Variants in MSRB3 observed in about 807,000 individuals in gnomAD.
MSRB3 encodes methionine sulfoxide reductase B3.
Under a neutral mutation model 21.0 loss-of-function variants are expected in MSRB3, and 13 were observed. The observed-to-expected ratio is 0.62, with a 90% CI of 0.40 to 0.98. The LOEUF is 0.98. Among genes scored for constraint, MSRB3 ranks in the 50% least tolerant of loss-of-function variants. The probability of loss-of-function intolerance (pLI) is 0.00; values close to 1 mark genes in which losing one functional copy is unlikely to be tolerated. For synonymous variants in MSRB3, 87 were observed against 88.6 expected, an observed-to-expected ratio of 0.98 and a Z score of 0.10; for missense variants, 199 against 230.3, an observed-to-expected ratio of 0.86 and a Z score of 0.88.
intron 1 of MSRB3, among the ~76,000 whole-genome samples, chr12:65,304,472 A>T (rs1873529828): frequency 6.6e-6 from 1 of 152,202 alleles, no homozygotes; most frequent in African/African-American, 2.4e-5. Context: ...AAGATTCATG[A>T]GACATCTTGT....
At chr12:65,456,893 A>G (rs1358550750) in intron 6 of MSRB3, among the ~76,000 whole-genome samples, 1 of 152,178 alleles carries the variant, frequency 6.6e-6, no homozygotes, top group Non-Finnish European at 1.5e-5. Flanking sequence ...AAAACAGCGT[A>G]CTGAATTCAA....
intron 5 of MSRB3, among the ~76,000 whole-genome samples, chr12:65,398,365 G>T (rs1879929844): frequency 6.6e-6 from 1 of 152,202 alleles, no homozygotes. Context: ...GATCAGTGAT[G>T]ATGAGCTTTT....
At chr12:65,330,774 A>T (rs1875361801) in intron 4 of MSRB3, among the ~76,000 whole-genome samples, 1 of 152,082 alleles carries the variant, frequency 6.6e-6, no homozygotes, top group African/African-American at 2.4e-5. Flanking sequence ...AAATAGTGAA[A>T]TCGTATTTCA....
At chr12:65,306,835 G>T in intron 1 of MSRB3, 1 of 985,724 alleles carries the variant, frequency 1.0e-6, no homozygotes, top group Non-Finnish European at 1.2e-6. Flanking sequence ...ATTGTAGAAT[G>T]CATCTTTGTT....
At chr12:65,308,874 A>G (rs1873815896) in intron 2 of MSRB3, 1 of 626,264 alleles carries the variant, frequency 1.6e-6, no homozygotes, top group Non-Finnish European at 2.8e-6. Flanking sequence ...TTCCTTGCCC[A>G]GTGTATAATT....
At chr12:65,445,168 T>C (rs936497081) in intron 5 of MSRB3, among the ~76,000 whole-genome samples, 2 of 152,100 alleles carry the variant, frequency 1.3e-5, no homozygotes, top group African/African-American at 4.8e-5. Flanking sequence ...CTGCCCTGCA[T>C]GTACTGCAAT....
At chr12:65,337,927 A>G (rs1390102628) in intron 4 of MSRB3, among the ~76,000 whole-genome samples, 1 of 152,192 alleles carries the variant, frequency 6.6e-6, no homozygotes, top group Non-Finnish European at 1.5e-5. Flanking sequence ...TCTCTCCCCA[A>G]CAAAACTATG....
At chr12:65,300,979 A>T (rs1178265981) in intron 1 of MSRB3, among the ~76,000 whole-genome samples, 1 of 152,152 alleles carries the variant, frequency 6.6e-6, no homozygotes, top group East Asian at 1.9e-4. Context: ...CATTCCTACC[A>T]CGTGCCTGGA....
intron 5 of MSRB3, among the ~76,000 whole-genome samples, chr12:65,447,304 C>T (rs1391134783): frequency 6.6e-6 from 1 of 152,046 alleles, no homozygotes; most frequent in Non-Finnish European, 1.5e-5. Context: ...TCCCCAAAGA[C>T]AGATGAAGGA....
At chr12:65,294,558 T>A (rs974184624) in intron 1 of MSRB3, among the ~76,000 whole-genome samples, 2 of 152,224 alleles carry the variant, frequency 1.3e-5, no homozygotes, top group East Asian at 3.8e-4. Flanking sequence ...AAGGTACTTA[T>A]TTTATTGCCA....
chr12:65,372,448 G>A (rs982855536), intron 5 of MSRB3, among the ~76,000 whole-genome samples: 1 of 152,214 alleles, frequency 6.6e-6, no homozygotes, highest in Non-Finnish European at 1.5e-5. Flanking sequence ...TTTGCCAATT[G>A]AGAACAGTCA....
rs376142616 is a variant in MSRB3 at position 65,290,567 on chromosome 12, TC to T, written c.-52+11703del. 3.2e-3 allele frequency among the ~76,000 whole-genome samples: 494 copies of T among 152,320 alleles called. 5 individuals carry two copies. The highest frequency in any genetic ancestry group is 0.011 in the African/African-American group (463 of 41,580). ...TTTGTTCTACAGGTCTTTTAAAAAT[TC>T]TCTGGGATTCACTATTGCTTTTCTT... is the stretch of plus-strand genomic sequence containing the variant. On this transcript the variant is annotated intron_variant, in intron 1 of 6. Transcript: ENST00000308259.
At chr12:65,398,484 C>T (rs1012632773) in intron 5 of MSRB3, among the ~76,000 whole-genome samples, 21 of 151,986 alleles carry the variant, frequency 1.4e-4, no homozygotes, top group Non-Finnish European at 2.5e-4. Context: ...TTTGTTTAAG[C>T]TCCTTGTGGA....
intron 5 of MSRB3, among the ~76,000 whole-genome samples, chr12:65,426,729 C>A (rs77560250): frequency 0.012 from 1,877 of 152,016 alleles, 45 homozygotes; most frequent in African/African-American, 0.043. Context: ...GGTTTTATTC[C>A]TTTTCATTCT....
chr12:65,361,055 T>G (rs1473373056), intron 4 of MSRB3, among the ~76,000 whole-genome samples: 1 of 152,156 alleles, frequency 6.6e-6, no homozygotes, highest in Admixed American at 6.6e-5. Context: ...TAATAATTCT[T>G]TCTTTTATAA....
At chr12:65,414,918 A>AACATATTAATTTAGAGGTGCTTG in intron 5 of MSRB3, among the ~76,000 whole-genome samples, 1 of 151,936 alleles carries the variant, frequency 6.6e-6, no homozygotes, top group South Asian at 2.1e-4. Context: ...AGAGGTGCTT[A>AACATATTAATTTAGAGGTGCTTG]TAAGTCATCC....
chr12:65,306,907 G>A (rs908675823), intron 1 of MSRB3: 3 of 985,738 alleles, frequency 3.0e-6, no homozygotes, highest in African/African-American at 3.5e-5. Context: ...TTTGACATAA[G>A]CCAGATGGCC....
rs183924306 is a variant in MSRB3 at position 65,320,484 on chromosome 12, A to C, written c.77-6342A>C. ...TGGAGTGTTTCAGAAGGGCAACAGC[A>C]TTGTTTGGCCAAAGGGTTTTTTGTT... On this transcript the variant is annotated intron_variant, in intron 2 of 6. Coordinates refer to ENST00000308259, the MANE Select transcript of MSRB3 (RefSeq NM_001031679.3). 3.4e-3 allele frequency among the ~76,000 whole-genome samples: 521 copies of C among 152,318 alleles called. 1 individual carries two copies. The highest frequency in any genetic ancestry group is 0.014 in the Middle Eastern group (4 of 294).
At chr12:65,412,873 A>C (rs375969627) in intron 5 of MSRB3, among the ~76,000 whole-genome samples, 23 of 152,280 alleles carry the variant, frequency 1.5e-4, no homozygotes, top group Middle Eastern at 3.4e-3. Flanking sequence ...CTTTCTTTGC[A>C]AGGTGGCAGG....
Sources: gnomAD v4.1 joint callset for allele counts (sites outside exome capture counted in the v4.1 genomes callset) on GRCh38, gnomAD v4.1.1 for gene constraint, MANE v1.5 for transcripts, NCBI Gene and HGNC (gene_info 2026-07-23, HGNC 2026-07-21) for gene names.